Variants in CADPS observed in about 807,000 individuals in gnomAD.
CADPS encodes calcium dependent secretion activator.
Under a neutral mutation model 167.3 loss-of-function variants are expected in CADPS, and 57 were observed. The ratio of observed to expected loss-of-function variants is 0.34; its 90% CI spans 0.28 to 0.42. The LOEUF (loss-of-function observed/expected upper bound fraction) is 0.42, where lower values mean the gene tolerates loss of function less well. Ranked by LOEUF, CADPS falls within the 20% of genes least tolerant of loss-of-function variation. The pLI, the probability that CADPS is intolerant of heterozygous loss-of-function variation, is 1.00. For synonymous variants in CADPS, 676 were observed against 635.3 expected, an observed-to-expected ratio of 1.06 and a Z score of -0.96; for missense variants, 1,414 against 1,738.1, an observed-to-expected ratio of 0.81 and a Z score of 3.32.
chr3:62,491,172 C>T (rs1281150823), intron 21 of CADPS, among the ~76,000 whole-genome samples, 167 bp downstream of exon 21: 1 of 152,212 alleles, frequency 6.6e-6, no homozygotes, highest in Non-Finnish European at 1.5e-5. Context: ...CCCGACCCTC[C>T]TGCCATTTGG....
chr3:62,810,787 C>T (rs2094356567), intron 1 of CADPS, among the ~76,000 whole-genome samples: 1 of 152,240 alleles, frequency 6.6e-6, no homozygotes, highest in African/African-American at 2.4e-5. Flanking sequence ...TGCTTTTCCA[C>T]TCCCGGTCCA....
intron 6 of CADPS, among the ~76,000 whole-genome samples, chr3:62,627,308 ATCTC>A (rs962362424): frequency 1.1e-4 from 17 of 152,154 alleles, no homozygotes; most frequent in African/African-American, 3.6e-4. Context: ...GAAAAAATAA[ATCTC>A]TCTTTTTAAT....
intron 26 of CADPS, among the ~76,000 whole-genome samples, chr3:62,450,368 C>T (rs1314973560): frequency 1.3e-5 from 2 of 152,192 alleles, no homozygotes; most frequent in Non-Finnish European, 2.9e-5. Context: ...ATCTATTACT[C>T]TCCAGGACCA....
chr3:62,416,727 G>C lies in CADPS; in HGVS notation c.3778-13542C>G, dbSNP rs560052280. 8.5e-5 allele frequency among the ~76,000 whole-genome samples: 13 copies of C among 152,306 alleles called. No individual in the cohort carries two copies. In the Middle Eastern group the frequency reaches 0.02, roughly 239 times the overall value. On this transcript the variant is annotated intron_variant, in intron 28 of 29. Transcript: ENST00000383710. Reference sequence around the variant, plus strand: ...TCCAGCTATGGTCTCTCAAAGATTGGTAGGAGGAAAACTGGAGGTTCTTCC... The same window carrying C: ...TCCAGCTATGGTCTCTCAAAGATTGCTAGGAGGAAAACTGGAGGTTCTTCC...
chr3:62,673,562 T>A (rs1204460668), intron 3 of CADPS, among the ~76,000 whole-genome samples: 1 of 152,206 alleles, frequency 6.6e-6, no homozygotes, highest in East Asian at 1.9e-4. Context: ...GGCATTATGT[T>A]ATGAACTGTG....
intron 3 of CADPS, among the ~76,000 whole-genome samples, chr3:62,734,880 T>C (rs552412185): frequency 5.9e-5 from 9 of 152,314 alleles, no homozygotes; most frequent in South Asian, 2.1e-4. Flanking sequence ...AGTTGCTTCA[T>C]TGTAATAAAA....
chr3:62,598,423 A>G (rs1400752569), intron 6 of CADPS, among the ~76,000 whole-genome samples: 1 of 152,122 alleles, frequency 6.6e-6, no homozygotes, highest in East Asian at 1.9e-4. Context: ...AAATATTTGC[A>G]CCCTTCCTTA....
intron 26 of CADPS, among the ~76,000 whole-genome samples, chr3:62,462,314 C>G: frequency 6.6e-6 from 1 of 152,356 alleles, no homozygotes. Context: ...CGGGCTGGCA[C>G]GAAGAAGCCA....
chr3:62,507,096 A>C (rs1195141809), intron 17 of CADPS, among the ~76,000 whole-genome samples: 2 of 152,146 alleles, frequency 1.3e-5, no homozygotes, highest in African/African-American at 4.8e-5. Flanking sequence ...TAGTACTACT[A>C]AGTACCCACT....
At chr3:62,823,968 C>T (rs546297601) in intron 1 of CADPS, among the ~76,000 whole-genome samples, 11 of 152,072 alleles carry the variant, frequency 7.2e-5, no homozygotes, top group African/African-American at 1.7e-4. Flanking sequence ...CTGCTCTGAT[C>T]CTCCATCTGA....
chr3:62,648,805 C>T (rs2069254161), intron 5 of CADPS, among the ~76,000 whole-genome samples: 1 of 151,624 alleles, frequency 6.6e-6, no homozygotes, highest in Non-Finnish European at 1.5e-5. Context: ...AATAAATTGA[C>T]ACCTTTAATT....
At chr3:62,510,138 C>T (rs182430133) in intron 17 of CADPS, among the ~76,000 whole-genome samples, 8 of 152,128 alleles carry the variant, frequency 5.3e-5, no homozygotes, top group African/African-American at 9.6e-5. Context: ...TACCTACTCT[C>T]CTCTCCTTTC....
Position 62,602,571 on chromosome 3 carries a change from A to T in CADPS, c.1326-9823T>A, listed in dbSNP as rs1203284560. On this transcript the variant is annotated intron_variant, in intron 6 of 29. Transcript: ENST00000383710. The surrounding 1 kb of genome is among the most constrained non-coding windows in gnomAD (Gnocchi z 4.4). ...ATGATATTCCACTCCAAGGGAATCA[A>T]TTGTGCCATCGCAGTGTGTCTCATG... Among the ~76,000 whole-genome samples the T allele has an allele frequency of 2.0e-5, 3 of 152,124 alleles. No individual in the cohort carries two copies. The highest frequency in any genetic ancestry group is 4.4e-5 in the Non-Finnish European group (3 of 68,026).
chr3:62,750,530 G>A (rs1165352770), intron 3 of CADPS, among the ~76,000 whole-genome samples: 2 of 152,092 alleles, frequency 1.3e-5, no homozygotes, highest in Admixed American at 6.6e-5. Flanking sequence ...TGTTTTGATG[G>A]TTTCTTTGTT....
chr3:62,813,079 C>T (rs541535052), intron 1 of CADPS, among the ~76,000 whole-genome samples: 4 of 152,048 alleles, frequency 2.6e-5, no homozygotes, highest in Non-Finnish European at 4.4e-5. Flanking sequence ...TATCAAATTA[C>T]CAAAGCCATT....
chr3:62,749,488 CTTTG>C (rs1316423237), intron 3 of CADPS, among the ~76,000 whole-genome samples: 1 of 152,120 alleles, frequency 6.6e-6, no homozygotes, highest in African/African-American at 2.4e-5. Flanking sequence ...CTAGAAATTG[CTTTG>C]TTTGGTAAGG....
rs1177857700 is a variant in CADPS, at chr3:62,465,093, A to C, written c.3636+274T>G. 2.0e-5 allele frequency among the ~76,000 whole-genome samples: 3 copies of C among 152,230 alleles called. No homozygotes were observed. Among genetic ancestry groups the C allele is most frequent in the African/African-American group, 7.2e-5 (3 of 41,466 alleles). ...AGAGCTAGCTAAGGTGGGCTTAGGT[A>C]GGCAAATCTCTGGATGCATACAAAT... On this transcript the variant is annotated intron_variant, in intron 26 of 29. Transcript: ENST00000383710. This position sits in a 1 kb window ranked among gnomAD's most constrained non-coding sequence, Gnocchi z 4.1.
Position 62,465,567 on chromosome 3 carries a change from G to T in CADPS, c.3553-117C>A. The T allele has an allele frequency of 1.6e-6, 1 of 621,834 alleles. No individual in the cohort carries two copies. Among genetic ancestry groups the T allele is most frequent in the Non-Finnish European group, 2.8e-6 (1 of 361,786 alleles). The allele number at this position is 621,834 out of a possible 1,614,324, so 38.5% of individuals were successfully genotyped here. A position where few individuals can be genotyped will look rare whatever the true frequency, so the allele number is the denominator to read the frequency against. On this transcript the variant is annotated intron_variant, in intron 25 of 29. Coordinates refer to ENST00000383710, the MANE Select transcript of CADPS (RefSeq NM_003716.4). This position sits in a 1 kb window ranked among gnomAD's most constrained non-coding sequence, Gnocchi z 4.1. ...ATCGAGCCCTCCGTTCATTTCTGCA[G>T]TCTATTATTTGATTCCCGCCTTCGG...
At chr3:62,722,572 T>C (rs767690105) in intron 3 of CADPS, among the ~76,000 whole-genome samples, 3 of 152,236 alleles carry the variant, frequency 2.0e-5, no homozygotes, top group African/African-American at 7.2e-5. Context: ...CACAGGCTCA[T>C]TTGCCTTTGA....
Sources: gnomAD v4.1 joint callset for allele counts (sites outside exome capture counted in the v4.1 genomes callset) on GRCh38, gnomAD v4.1.1 for gene constraint, Gnocchi (gnomAD v3.1) non-coding constraint, MANE v1.5 for transcripts, NCBI Gene and HGNC (gene_info 2026-07-23, HGNC 2026-07-21) for gene names.